The following TASOR2 variants were observed in gnomAD, a reference collection of about 807,000 sequenced individuals.
TASOR2 encodes the protein transcription activation suppressor family member 2.
TASOR2 carries 84 observed loss-of-function variants against 199.5 expected under a neutral mutation model. That is an observed-to-expected ratio of 0.42 (90% CI 0.35 to 0.50). TASOR2 has a LOEUF of 0.50. Among genes scored for constraint, TASOR2 ranks in the 20% least tolerant of loss-of-function variants. The pLI is 0.02. For synonymous variants in TASOR2, 1,103 were observed against 1,046.6 expected, an observed-to-expected ratio of 1.05 and a Z score of -1.04; for missense variants, 2,796 against 2,835.9, an observed-to-expected ratio of 0.99 and a Z score of 0.32.
intron 1 of TASOR2, among the ~76,000 whole-genome samples, chr10:5,695,919 A>C (rs746056729): frequency 5.3e-5 from 8 of 152,146 alleles, no homozygotes; most frequent in Admixed American, 1.3e-4. Context: ...TGGGGTGGGA[A>C]TAGAAGGGTT....
At chr10:5,759,043 G>C in intron 18 of TASOR2, 51 bp downstream of exon 19, 1 of 1,323,890 alleles carries the variant, frequency 7.6e-7, no homozygotes, top group Non-Finnish European at 1.1e-6. Flanking sequence ...GGGTAGCAGA[G>C]AAACGCCTCA....
exon 15 of TASOR2, chr10:5,749,185 C>T (rs763924439): frequency 1.2e-6 from 2 of 1,614,016 alleles, no homozygotes; most frequent in Non-Finnish European, 1.7e-6. Flanking sequence ...CCACGGGATC[C>T]TCAGGACTTA....
chr10:5,686,368 A>G (rs1835817741), intron 1 of TASOR2, among the ~76,000 whole-genome samples: 1 of 152,240 alleles, frequency 6.6e-6, no homozygotes, highest in Non-Finnish European at 1.5e-5. Context: ...TGTTTGTTAA[A>G]TACAGTATAC....
Position 5,687,813 on chromosome 10 carries a change from G to A in TASOR2, c.-288+2638G>A, listed in dbSNP as rs1218327315. On this transcript the variant is annotated intron_variant, in intron 1 of 20. Coordinates refer to ENST00000328090, the Ensembl canonical transcript of TASOR2. The surrounding 1 kb of genome is among the most constrained non-coding windows in gnomAD (Gnocchi z 4.8). ...AGCCTGGGTGACAGAGTGAGACTCC[G>A]TCTCAAAAGACTGCTGAAGATCCCA... 1.3e-5 allele frequency among the ~76,000 whole-genome samples: 2 copies of A among 152,162 alleles called. No individual in the cohort carries two copies. The highest frequency in any genetic ancestry group is 6.6e-5 in the Admixed American group (1 of 15,264).
intron 6 of TASOR2, 143 bp downstream of exon 7, chr10:5,721,113 G>A: frequency 1.6e-6 from 1 of 613,430 alleles, no homozygotes; most frequent in Admixed American, 3.3e-5. Context: ...TTGGGTAAAT[G>A]TATAGCACAC....
intron 2 of TASOR2, among the ~76,000 whole-genome samples, chr10:5,715,467 A>G (rs1467196210): frequency 6.6e-6 from 1 of 152,132 alleles, no homozygotes; most frequent in East Asian, 1.9e-4. Flanking sequence ...GACATTTCAT[A>G]TAAGTGGAAT....
chr10:5,758,709 G>C (rs1839334693), intron 17 of TASOR2, among the ~76,000 whole-genome samples, 178 bp from the exon 19 acceptor site: 1 of 152,246 alleles, frequency 6.6e-6, no homozygotes, highest in African/African-American at 2.4e-5. Context: ...GGACCAGGCT[G>C]AGGGGCTTGT....
At position 5,698,973 on chromosome 10, in the gene TASOR2, C is replaced by T. The variant is rs1428946956; in HGVS notation, c.-288+13798C>T. ...TTTACTGGAAGAGCAAGCCATTCTA[C>T]TCTAAGGTATATACGTAAGAGAAAT... On this transcript the variant is annotated intron_variant, in intron 1 of 20. Coordinates refer to ENST00000328090, the Ensembl canonical transcript of TASOR2. This position sits in a 1 kb window ranked among gnomAD's most constrained non-coding sequence, Gnocchi z 4.4. Among the ~76,000 whole-genome samples the T allele has an allele frequency of 6.6e-6, 1 of 152,100 alleles. No individual in the cohort carries two copies. The highest frequency in any genetic ancestry group is 1.5e-5 in the Non-Finnish European group (1 of 68,004).
exon 11 of TASOR2, chr10:5,731,097 G>T: frequency 6.2e-7 from 1 of 1,613,830 alleles, no homozygotes; most frequent in Non-Finnish European, 8.5e-7. Context: ...AGGTGAACTT[G>T]TGCCGCCCCT....
At chr10:5,712,378 T>C in intron 1 of TASOR2, 3 of 1,231,296 alleles carry the variant, frequency 2.4e-6, no homozygotes, top group Non-Finnish European at 3.0e-6. Flanking sequence ...GCGTTATTTT[T>C]GTTTGTGTTT....
At chr10:5,749,242 T>C (rs1837661097) in exon 15 of TASOR2, 1 of 1,614,178 alleles carries the variant, frequency 6.2e-7, no homozygotes, top group Non-Finnish European at 8.5e-7. Context: ...CATGAGAACT[T>C]CACACGGCCT....
chr10:5,749,118 T>C (rs752933965), exon 15 of TASOR2: 1 of 1,614,062 alleles, frequency 6.2e-7, no homozygotes, highest in Non-Finnish European at 8.5e-7. Flanking sequence ...GGCACTGGAC[T>C]GCTGCGGTAA....
Position 5,685,776 on chromosome 10 carries a change from C to T in TASOR2, c.-288+601C>T, listed in dbSNP as rs1283612961. 6.6e-6 allele frequency among the ~76,000 whole-genome samples: 1 copy of T among 152,210 alleles called. No individual in the cohort carries two copies. The highest frequency in any genetic ancestry group is 1.5e-5 in the Non-Finnish European group (1 of 68,028). ...ATGACTGAAATTTTGAGGAAGATTA[C>T]TTTGGGAATTCTCAAGTTTCTCTTA... On this transcript the variant is annotated intron_variant, in intron 1 of 20. Coordinates refer to ENST00000328090, the Ensembl canonical transcript of TASOR2. This position sits in a 1 kb window ranked among gnomAD's most constrained non-coding sequence, Gnocchi z 5.4.
chr10:5,700,266 G>A (rs1425436931), intron 1 of TASOR2, among the ~76,000 whole-genome samples: 1 of 151,880 alleles, frequency 6.6e-6, no homozygotes, highest in Non-Finnish European at 1.5e-5. Context: ...AAAATAGCAG[G>A]ATTTTATTTT....
chr10:5,732,350 T>G (rs1834936992), intron 11 of TASOR2, among the ~76,000 whole-genome samples: 1 of 152,268 alleles, frequency 6.6e-6, no homozygotes, highest in African/African-American at 2.4e-5. Flanking sequence ...CATGCCGTGT[T>G]GGCAGAGCTG....
In TASOR2 at chr10:5,756,753, C is replaced by T. The variant is rs374188492; in HGVS notation, c.6732+15C>T. On this transcript the variant is annotated intron_variant, in intron 16 of 20. Transcript: ENST00000328090. The stretch of plus-strand genomic sequence containing the variant: ...ATTTGCATCAGGTCGGTTGGAAATA[C>T]CTTACAAAGAAACGTATTCCAGGCA... 2.5e-5 allele frequency: 41 copies of T among 1,608,876 alleles called. 1 individual carries two copies. The highest frequency in any genetic ancestry group is 2.2e-4 in the East Asian group (10 of 44,674).
rs1264230011 is a variant in TASOR2 at position 5,740,816 on chromosome 10, GT to G, written c.2327+320del. ...TTAGATGAGATCTTAATGTAAAATA[GT>G]GTGAGATTTAGAAATAATGCTTTAC... On this transcript the variant is annotated intron_variant, in intron 13 of 20. Transcript: ENST00000328090. This position sits in a 1 kb window ranked among gnomAD's most constrained non-coding sequence, Gnocchi z 5.3. Among the ~76,000 whole-genome samples, 1 of 152,192 alleles carries G rather than the reference GT, an allele frequency of 6.6e-6. No individual in the cohort carries two copies. Among genetic ancestry groups the G allele is most frequent in the Admixed American group, 6.5e-5 (1 of 15,284 alleles).
At chr10:5,684,896 G>A (rs562777693) in exon 1 of TASOR2, 2 of 398,064 alleles carry the variant, frequency 5.0e-6, no homozygotes, top group Non-Finnish European at 8.9e-6. Context: ...AGGCTGCCGG[G>A]CGTCCCGGGG....
intron 10 of TASOR2, among the ~76,000 whole-genome samples, chr10:5,728,206 G>A (rs1450107338): frequency 8.1e-6 from 1 of 123,670 alleles, no homozygotes; most frequent in African/African-American, 3.2e-5. Flanking sequence ...GGGCAACAGA[G>A]TGAGACCCTG....
Sources: gnomAD v4.1 joint callset for allele counts (sites outside exome capture counted in the v4.1 genomes callset) on GRCh38, gnomAD v4.1.1 for gene constraint, Gnocchi (gnomAD v3.1) non-coding constraint, MANE v1.5 for transcripts, NCBI Gene and HGNC (gene_info 2026-07-23, HGNC 2026-07-21) for gene names.